Variants in ATP6V1C1 observed in about 807,000 individuals in gnomAD.
The protein encoded by ATP6V1C1 is ATPase H+ transporting V1 subunit C1.
A neutral mutation model predicts 53.9 loss-of-function variants in ATP6V1C1; 45 were observed. The observed-to-expected ratio is 0.83, with a 90% CI of 0.66 to 1.07. ATP6V1C1 has a LOEUF of 1.07. Among genes scored for constraint, ATP6V1C1 ranks in the 50% least tolerant of loss-of-function variants. The probability of loss-of-function intolerance (pLI) is 0.00; values close to 1 mark genes in which losing one functional copy is unlikely to be tolerated. For synonymous variants in ATP6V1C1, 153 were observed against 155.2 expected, an observed-to-expected ratio of 0.99 and a Z score of 0.11; for missense variants, 315 against 440.3, an observed-to-expected ratio of 0.72 and a Z score of 2.55.
At chr8:103,047,635 G>A (rs1817128454) in intron 3 of ATP6V1C1, among the ~76,000 whole-genome samples, 1 of 152,080 alleles carries the variant, frequency 6.6e-6, no homozygotes, top group Non-Finnish European at 1.5e-5. Context: ...CTGCAATCTG[G>A]CATCCCACTT....
intron 3 of ATP6V1C1, among the ~76,000 whole-genome samples, chr8:103,043,006 C>T (rs1019010520): frequency 1.3e-5 from 2 of 152,046 alleles, no homozygotes; most frequent in South Asian, 2.1e-4. Context: ...AGTTGATGGG[C>T]GTTTATTTTG....
intron 1 of ATP6V1C1, among the ~76,000 whole-genome samples, chr8:103,022,302 C>T (rs1816611535): frequency 2.0e-5 from 3 of 152,126 alleles, no homozygotes; most frequent in African/African-American, 4.8e-5. Flanking sequence ...GTAGGGAATG[C>T]TTCTGGTGGA....
intron 5 of ATP6V1C1, among the ~76,000 whole-genome samples, 152 bp from the exon 6 acceptor site, chr8:103,052,576 ACCT>A (rs1817218996): frequency 6.6e-6 from 1 of 152,018 alleles, no homozygotes; most frequent in South Asian, 2.1e-4. Context: ...TTTTTAAATG[ACCT>A]CCTAAAGTCG....
At chr8:103,026,993 A>G (rs1214719944) in intron 1 of ATP6V1C1, among the ~76,000 whole-genome samples, 1 of 152,180 alleles carries the variant, frequency 6.6e-6, no homozygotes, top group Non-Finnish European at 1.5e-5. Context: ...GAAGGATAGA[A>G]TTTTTACATT....
rs193121823 is a variant in ATP6V1C1, at chr8:103,062,127, T to C, written c.642-828T>C. Among the ~76,000 whole-genome samples the C allele has an allele frequency of 5.9e-5, 9 of 151,320 alleles. No homozygotes were observed. The East Asian group carries it at 1.6e-3, about 26-fold the overall frequency. ...CATGAGATGCATACAGGCACTTTTA[T>C]TCAGAGATTATTTAGACAGTTGTGT... On this transcript the variant is annotated intron_variant, in intron 8 of 12. Transcript: ENST00000518738.
At chr8:103,052,927 T>G in intron 6 of ATP6V1C1, 105 bp downstream of exon 6, 1 of 658,976 alleles carries the variant, frequency 1.5e-6, no homozygotes. Context: ...TATGTTGTTC[T>G]GTAATCAAAA....
intron 10 of ATP6V1C1, among the ~76,000 whole-genome samples, chr8:103,064,015 G>C (rs548685656): frequency 6.6e-6 from 1 of 152,258 alleles, no homozygotes; most frequent in South Asian, 2.1e-4. Flanking sequence ...ATTTTGACAA[G>C]ATTTTCACTT....
chr8:103,050,544 T>C (rs1450956528), intron 4 of ATP6V1C1, among the ~76,000 whole-genome samples: 1 of 152,236 alleles, frequency 6.6e-6, no homozygotes, highest in East Asian at 1.9e-4. Context: ...AGTATTTTTT[T>C]AGCTCTACAT....
intron 8 of ATP6V1C1, among the ~76,000 whole-genome samples, chr8:103,057,560 C>T (rs1394198568): frequency 1.3e-5 from 2 of 152,116 alleles, no homozygotes; most frequent in Non-Finnish European, 2.9e-5. Context: ...TCTAGGAAAC[C>T]GGGGTGAAAC....
At chr8:103,031,394 G>A (rs1816793924) in intron 1 of ATP6V1C1, among the ~76,000 whole-genome samples, 1 of 152,152 alleles carries the variant, frequency 6.6e-6, no homozygotes, top group Admixed American at 6.5e-5. Context: ...GGCTGTGCAA[G>A]CATGGCATCC....
intron 8 of ATP6V1C1, among the ~76,000 whole-genome samples, chr8:103,060,717 TTTTA>T (rs1331547242): frequency 1.3e-5 from 2 of 152,128 alleles, no homozygotes; most frequent in Non-Finnish European, 2.9e-5. Flanking sequence ...AGCAAGTGGC[TTTTA>T]TTTGTTTTTC....
At chr8:103,053,140 T>G in intron 6 of ATP6V1C1, among the ~76,000 whole-genome samples, 1 of 152,060 alleles carries the variant, frequency 6.6e-6, no homozygotes, top group Admixed American at 6.6e-5. Flanking sequence ...AATCATAGTT[T>G]AACTGCATAG....
intron 3 of ATP6V1C1, among the ~76,000 whole-genome samples, chr8:103,048,254 A>G (rs919524751): frequency 6.6e-6 from 1 of 152,058 alleles, no homozygotes; most frequent in Admixed American, 6.6e-5. Flanking sequence ...AGTTTTTGCC[A>G]TTTTTTTCCC....
Position 103,072,046 on chromosome 8 carries a change from A to C in ATP6V1C1, c.*3299A>C, listed in dbSNP as rs1190257830. 1 of 152,166 alleles carries C rather than the reference A, an allele frequency of 6.6e-6. No individual in the cohort carries two copies. The highest frequency in any genetic ancestry group is 1.5e-5 in the Non-Finnish European group (1 of 68,036). The allele number at this position is 152,166 out of a possible 1,614,324, so 9.4% of individuals were successfully genotyped here. ...GTTATTCAACCTAGGAGATTTTTCT[A>C]CCTCTTTACTACCCTGCTGAAGTTG... On this transcript the variant is annotated 3_prime_UTR_variant, in exon 13 of 13. Coordinates refer to ENST00000518738, the MANE Select transcript of ATP6V1C1 (RefSeq NM_001695.5).
At chr8:103,067,354 G>T (rs188115427) in intron 12 of ATP6V1C1, among the ~76,000 whole-genome samples, 9 of 137,284 alleles carry the variant, frequency 6.6e-5, no homozygotes, top group South Asian at 2.3e-4. Flanking sequence ...CCAAGATTGC[G>T]CCACTGCACT....
At chr8:103,065,388 C>T (rs932760520) in intron 11 of ATP6V1C1, among the ~76,000 whole-genome samples, 1 of 151,986 alleles carries the variant, frequency 6.6e-6, no homozygotes, top group African/African-American at 2.4e-5. Flanking sequence ...CCTGTCTCTA[C>T]TAAAAATATA....
intron 8 of ATP6V1C1, among the ~76,000 whole-genome samples, chr8:103,059,828 G>A (rs907044880): frequency 5.3e-5 from 8 of 150,896 alleles, no homozygotes; most frequent in South Asian, 2.1e-4. Flanking sequence ...TTGCTTTCCC[G>A]TCTAAAACCC....
intron 1 of ATP6V1C1, among the ~76,000 whole-genome samples, chr8:103,033,577 C>A (rs1816836094): frequency 6.6e-6 from 1 of 152,080 alleles, no homozygotes; most frequent in African/African-American, 2.4e-5. Flanking sequence ...AAGACAGATA[C>A]TAGTAAAAAG....
intron 3 of ATP6V1C1, 69 bp downstream of exon 3, chr8:103,042,476 G>A: frequency 6.8e-7 from 1 of 1,479,228 alleles, no homozygotes; most frequent in East Asian, 2.3e-5. Flanking sequence ...TGGACACTGG[G>A]TTTATTATCA....
Sources: allele counts gnomAD v4.1 joint callset (sites outside exome capture counted in the v4.1 genomes callset), GRCh38; gene constraint gnomAD v4.1.1; transcripts MANE v1.5; gene names NCBI Gene and HGNC (gene_info 2026-07-23, HGNC 2026-07-21).